Variants in RPGR observed in about 807,000 individuals in gnomAD.
The protein encoded by RPGR is X-linked retinitis pigmentosa GTPase regulator.
A neutral mutation model predicts 56.3 loss-of-function variants in RPGR; 10 were observed. The observed-to-expected ratio is 0.18, with a 90% CI of 0.11 to 0.30. The LOEUF (loss-of-function observed/expected upper bound fraction) is 0.30. RPGR is among the 10% of genes least tolerant of loss of function. RPGR has a pLI of 1.00. For missense variants in RPGR, 538 were observed against 590.9 expected (o/e 0.91, Z 0.93); for synonymous variants, 197 against 212.9 (o/e 0.93, Z 0.65).
At chrX:38,314,191 T>C (rs752589892) in intron 6 of RPGR, among the ~76,000 whole-genome samples, 2 of 111,997 alleles carry the variant, frequency 1.8e-5, no homozygotes, top group South Asian at 3.7e-4. Flanking sequence ...ATATTTCCTG[T>C]AGCTATCAGT....
rs41303211 is a variant in RPGR, at chrX:38,320,860, C to T, written c.310+167G>A. On this transcript the variant is annotated intron_variant, in intron 4 of 18. Coordinates refer to ENST00000642395, the MANE Select transcript of RPGR (RefSeq NM_000328.3). Reference sequence around the variant, plus strand: ...TTTTTCTTCAGCCATTTGACATTTACGTGTATATTTGCAAAGGCAAACGTG... The same window carrying T: ...TTTTTCTTCAGCCATTTGACATTTATGTGTATATTTGCAAAGGCAAACGTG... 0.024 allele frequency among the ~76,000 whole-genome samples: 2,756 copies of T among 112,807 alleles called. 50 individuals are homozygous for T. Among genetic ancestry groups the T allele is most frequent in the African/African-American group, 0.063 (1,962 of 31,053 alleles).
chrX:38,325,452 T>C (rs1569263916), intron 1 of RPGR, among the ~76,000 whole-genome samples: 1 of 111,845 alleles, frequency 8.9e-6, no homozygotes, highest in Non-Finnish European at 1.9e-5. Flanking sequence ...ATTGTTAATA[T>C]AAAAGACAGG....
chrX:38,294,311 G>A (rs1466713621), intron 11 of RPGR, among the ~76,000 whole-genome samples: 1 of 111,239 alleles, frequency 9.0e-6, no homozygotes, highest in African/African-American at 3.3e-5. Flanking sequence ...TGTTCTTAGG[G>A]ATACATTCTG....
At chrX:38,273,761 T>G in intron 17 of RPGR, 1 of 202,671 alleles carries the variant, frequency 4.9e-6, no homozygotes. Flanking sequence ...AAAATACAAA[T>G]TACTTTAAAA....
intron 17 of RPGR, among the ~76,000 whole-genome samples, chrX:38,274,281 A>AG (rs2066891120): frequency 9.0e-6 from 1 of 111,493 alleles, no homozygotes; most frequent in Non-Finnish European, 1.9e-5. Context: ...TGACACTGAT[A>AG]GGTAGGCTTG....
chrX:38,313,321 T>C (rs2067757763), intron 6 of RPGR, among the ~76,000 whole-genome samples: 1 of 112,253 alleles, frequency 8.9e-6, no homozygotes, highest in South Asian at 3.7e-4. Flanking sequence ...TTGCAGTTAT[T>C]GGTCTAGCAC....
chrX:38,287,051 C>T lies in RPGR; in HGVS notation c.1905+43G>A, dbSNP rs2067198830. 2.1e-5 allele frequency: 26 copies of T among 1,211,076 alleles called. No individual in the cohort carries two copies. The highest frequency in any genetic ancestry group is 2.9e-5 in the Non-Finnish European group (26 of 895,402). ...GTTCCATCCCCTCTACCTTCAGGCC[C>T]ATCCTCTGCTTCTCCCACTGATTTT... On this transcript the variant is annotated intron_variant, in intron 15 of 18. Coordinates refer to ENST00000642395, the MANE Select transcript of RPGR (RefSeq NM_000328.3).
At chrX:38,280,684 C>T (rs2067013816) in intron 15 of RPGR, among the ~76,000 whole-genome samples, 2 of 111,205 alleles carry the variant, frequency 1.8e-5, no homozygotes, top group South Asian at 3.8e-4. Context: ...AGGGCGCACA[C>T]CACCATGCCT....
Position 38,273,401 on chromosome X carries a change from C to A in RPGR, c.2226G>T (p.Met742Ile). Reference sequence around the variant, plus strand: ...TTTCACTTACCTTCTTTGTTTTTTTCATGTCTTTGCTTGGTGTTGTTTCAC... The same window carrying A: ...TTTCACTTACCTTCTTTGTTTTTTTAATGTCTTTGCTTGGTGTTGTTTCAC... The change falls in exon 18 of 19, where the codon ATG (methionine) becomes ATT (isoleucine). Residue 742 changes from methionine (M) to isoleucine (I), a missense_variant. By Grantham distance (10) the Met-to-Ile change is conservative. Coordinates refer to ENST00000642395, the MANE Select transcript of RPGR (RefSeq NM_000328.3). 8.3e-7 allele frequency: 1 copy of A among 1,199,786 alleles called. No individual in the cohort carries two copies. Among genetic ancestry groups the A allele is most frequent in the Non-Finnish European group, 1.1e-6 (1 of 886,812 alleles).
intron 7 of RPGR, among the ~76,000 whole-genome samples, chrX:38,309,087 A>G (rs1263773264): frequency 8.9e-6 from 1 of 112,100 alleles, no homozygotes. Flanking sequence ...TATTATGTAC[A>G]TTACTCATCT....
At chrX:38,277,950 G>T (rs768767220) in intron 15 of RPGR, among the ~76,000 whole-genome samples, 5 of 112,185 alleles carry the variant, frequency 4.5e-5, no homozygotes, top group Admixed American at 2.8e-4. Context: ...TCATCCTCAG[G>T]CCAATTGCAA....
intron 15 of RPGR, chrX:38,285,972 CCCT>C (rs1287046898): frequency 1.9e-6 from 2 of 1,076,228 alleles, no homozygotes; most frequent in African/African-American, 2.2e-5. Context: ...CTTCTCCCTC[CCCT>C]TCTTCCTCTC....
At chrX:38,300,488 A>G (rs2067482903) in intron 9 of RPGR, among the ~76,000 whole-genome samples, 1 of 111,814 alleles carries the variant, frequency 8.9e-6, no homozygotes, top group Non-Finnish European at 1.9e-5. Flanking sequence ...GAAATAATAC[A>G]TCCTTAACCT....
At chrX:38,291,979 C>T (rs1265042553) in intron 11 of RPGR, among the ~76,000 whole-genome samples, 4 of 111,698 alleles carry the variant, frequency 3.6e-5, no homozygotes, top group East Asian at 2.8e-4. Flanking sequence ...CTCTTGCTCT[C>T]TCTCTCTCCC....
At chrX:38,290,929 C>G (rs766222323) in intron 13 of RPGR, 30 bp downstream of exon 13, 1 of 798,981 alleles carries the variant, frequency 1.3e-6, no homozygotes, top group Admixed American at 2.4e-5. Flanking sequence ...CTCTCACCAA[C>G]AATAACGAAA....
At chrX:38,298,142 C>T (rs1023229788) in intron 10 of RPGR, among the ~76,000 whole-genome samples, 17 of 109,084 alleles carry the variant, frequency 1.6e-4, no homozygotes, top group African/African-American at 5.0e-4. Context: ...TGGTGGTGCA[C>T]GCCTGTAGTC....
rs1290428863 is a variant in RPGR, at chrX:38,318,994, A to G, written c.311-7T>C. 5 of 1,209,913 alleles carry G rather than the reference A, an allele frequency of 4.1e-6. No individual in the cohort carries two copies. The African/African-American group carries it at 8.7e-5, about 21-fold the overall frequency. On this transcript the variant is annotated splice_polypyrimidine_tract_variant and splice_region_variant and intron_variant, in intron 4 of 18. Transcript: ENST00000642395. Reference sequence around the variant, plus strand: ...GCATATACATTGCCTCCTTCTGCACATGGAAAAGAAAACGTCAATAGACTA... The same window carrying G: ...GCATATACATTGCCTCCTTCTGCACGTGGAAAAGAAAACGTCAATAGACTA...
intron 15 of RPGR, chrX:38,285,282 G>T (rs1388578148): frequency 9.7e-7 from 1 of 1,027,395 alleles, no homozygotes; most frequent in Non-Finnish European, 1.2e-6. Flanking sequence ...AATCTGATAT[G>T]ACCTTTTAAT....
chrX:38,316,843 C>T (rs114492346), intron 6 of RPGR, among the ~76,000 whole-genome samples: 3,601 of 111,434 alleles, frequency 0.032, 95 homozygotes, highest in African/African-American at 0.091. Context: ...AAAGATTTGT[C>T]TAAGAGGGTC....
Sources: allele counts gnomAD v4.1 joint callset (sites outside exome capture counted in the v4.1 genomes callset), GRCh38; gene constraint gnomAD v4.1.1; transcripts MANE v1.5; gene names NCBI Gene and HGNC (gene_info 2026-07-23, HGNC 2026-07-21).